ARHGEF28: variants seen among roughly 807,000 people sequenced by gnomAD.
The protein encoded by ARHGEF28 is Rho guanine nucleotide exchange factor 28, also known as 190 kDa guanine nucleotide exchange factor.
In ARHGEF28, 152 loss-of-function variants were observed where a neutral mutation model predicts 206.6. That is an observed-to-expected ratio of 0.74 (90% CI 0.64 to 0.84). The LOEUF (loss-of-function observed/expected upper bound fraction) is 0.84, where lower values mean the gene tolerates loss of function less well. Among genes scored for constraint, ARHGEF28 ranks in the 40% least tolerant of loss-of-function variants. The pLI is 0.00. For missense variants in ARHGEF28, 2,028 were observed against 2,073.2 expected, an observed-to-expected ratio of 0.98 and a Z score of 0.42; for synonymous variants, 763 against 776.4, an observed-to-expected ratio of 0.98 and a Z score of 0.29.
chr5:73,938,446 G>A lies in ARHGEF28; in HGVS notation c.4949-2398G>A, dbSNP rs191324025. Among the ~76,000 whole-genome samples, 477 of 152,056 alleles carry A rather than the reference G, an allele frequency of 3.1e-3. 8 individuals are homozygous for A. Among genetic ancestry groups the A allele is most frequent in the Non-Finnish European group, 9.0e-4 (61 of 67,976 alleles). ...TAGATTAAGGGCTTCCAGTGTGTCCGGCATTGTCAGATGTGTCAGCAATGA... is the reference window on the plus strand; with the variant it reads ...TAGATTAAGGGCTTCCAGTGTGTCCAGCATTGTCAGATGTGTCAGCAATGA... On this transcript the variant is annotated intron_variant, in intron 35 of 35. Coordinates refer to ENST00000513042, the MANE Select transcript of ARHGEF28 (RefSeq NM_001177693.2).
At chr5:73,900,950 A>G in intron 30 of ARHGEF28, 1 of 405,670 alleles carries the variant, frequency 2.5e-6, no homozygotes, top group Non-Finnish European at 4.6e-6. Context: ...AAAGATGGTG[A>G]TACTTTGTGC....
chr5:73,790,172 CT>C (rs555617997), intron 7 of ARHGEF28, among the ~76,000 whole-genome samples: 97 of 147,250 alleles, frequency 6.6e-4, no homozygotes, highest in Middle Eastern at 3.5e-3. Context: ...TGCCCTGCAA[CT>C]TTTTTTTTTT....
chr5:73,729,884 G>A (rs1206899923), intron 2 of ARHGEF28, among the ~76,000 whole-genome samples: 1 of 152,178 alleles, frequency 6.6e-6, no homozygotes, highest in East Asian at 1.9e-4. Context: ...TAAGAGCAAG[G>A]AGTAGATAGT....
chr5:73,714,999 C>T (rs1749492123), intron 2 of ARHGEF28, among the ~76,000 whole-genome samples: 2 of 152,146 alleles, frequency 1.3e-5, no homozygotes, highest in Admixed American at 1.3e-4. Flanking sequence ...ATATCTTTAT[C>T]AACAAATATA....
chr5:73,892,507 T>C (rs959617659), intron 27 of ARHGEF28, among the ~76,000 whole-genome samples: 2 of 152,210 alleles, frequency 1.3e-5, no homozygotes, highest in Non-Finnish European at 2.9e-5. Flanking sequence ...CCTGGTGATC[T>C]CTTTCTTGCC....
At chr5:73,761,581 A>G (rs941549827) in intron 4 of ARHGEF28, among the ~76,000 whole-genome samples, 4 of 152,136 alleles carry the variant, frequency 2.6e-5, no homozygotes, top group African/African-American at 9.7e-5. Context: ...GACTCTCTCA[A>G]ATATAAGCCT....
chr5:73,721,042 A>G (rs114910567), intron 2 of ARHGEF28, among the ~76,000 whole-genome samples: 280 of 152,332 alleles, frequency 1.8e-3, no homozygotes, highest in African/African-American at 6.6e-3. Context: ...GAATTTTGTT[A>G]TTTTAATTCT....
intron 9 of ARHGEF28, 143 bp downstream of exon 9, chr5:73,795,534 A>G (rs1167054694): frequency 1.4e-6 from 1 of 690,460 alleles, no homozygotes; most frequent in East Asian, 2.6e-5. Flanking sequence ...GATAAATTTT[A>G]TTTGTAGGAT....
intron 2 of ARHGEF28, among the ~76,000 whole-genome samples, chr5:73,744,086 A>G (rs751236290): frequency 1.3e-5 from 2 of 152,172 alleles, no homozygotes; most frequent in Admixed American, 6.5e-5. Flanking sequence ...AAGAAAACAC[A>G]CAAGAAAGCA....
rs1260295405 is a variant in ARHGEF28 at position 73,940,884 on chromosome 5, C to G, written c.4989C>G (p.Asp1663Glu). Reference protein sequence around the residue: ...TSHTESPTPHDSNSHRPQLQA... With the variant: ...TSHTESPTPHESNSHRPQLQA... ...ACACTGAGTCCCCAACCCCCCATGA[C>G]TCAAATTCACACCGCCCTCAACTGC... is the stretch of plus-strand genomic sequence containing the variant. Residue 1663 changes from aspartate (D) to glutamate (E), a missense_variant, in exon 36 of 36, where the codon GAC becomes GAG. Around this residue, in one of 3 missense-constraint regions of ARHGEF28, gnomAD observed 803 missense variants for 768.0 expected, o/e 1.05. Transcript: ENST00000513042. The G allele has an allele frequency of 6.5e-7, 1 of 1,532,176 alleles. No homozygotes were observed. Among genetic ancestry groups the G allele is most frequent in the South Asian group, 1.2e-5 (1 of 83,240 alleles). 94.9% of individuals were successfully genotyped at this position (1,532,176 alleles called of 1,614,324 possible).
intron 1 of ARHGEF28, among the ~76,000 whole-genome samples, chr5:73,634,856 A>G (rs1045595336): frequency 1.3e-5 from 2 of 152,250 alleles, no homozygotes; most frequent in East Asian, 1.9e-4. Flanking sequence ...TCTATGCTCT[A>G]TCACCAGCCC....
intron 2 of ARHGEF28, among the ~76,000 whole-genome samples, chr5:73,726,294 A>T (rs1374738993): frequency 6.6e-6 from 1 of 152,218 alleles, no homozygotes; most frequent in African/African-American, 2.4e-5. Context: ...GCCAGGTATG[A>T]CTAGCCAAAC....
chr5:73,836,914 T>A (rs1423729593), intron 10 of ARHGEF28, among the ~76,000 whole-genome samples: 1 of 151,996 alleles, frequency 6.6e-6, no homozygotes, highest in Non-Finnish European at 1.5e-5. Flanking sequence ...TATTGAAGGA[T>A]CTGTCTTTTC....
At chr5:73,733,008 A>G (rs1050164158) in intron 2 of ARHGEF28, among the ~76,000 whole-genome samples, 10 of 152,144 alleles carry the variant, frequency 6.6e-5, no homozygotes, top group Non-Finnish European at 1.3e-4. Context: ...TTTTATTTCA[A>G]TAGGTTTTGG....
chr5:73,661,373 C>T (rs1009098846), intron 1 of ARHGEF28, among the ~76,000 whole-genome samples: 1 of 152,162 alleles, frequency 6.6e-6, no homozygotes, highest in African/African-American at 2.4e-5. Flanking sequence ...CTTCTATCCA[C>T]ACCACTCAAA....
intron 2 of ARHGEF28, among the ~76,000 whole-genome samples, chr5:73,709,847 G>A (rs946801484): frequency 6.6e-6 from 1 of 152,130 alleles, no homozygotes; most frequent in Non-Finnish European, 1.5e-5. Flanking sequence ...TTTGTATATG[G>A]CTTCTTATAC....
intron 1 of ARHGEF28, among the ~76,000 whole-genome samples, chr5:73,672,387 T>C (rs1345619116): frequency 6.6e-6 from 1 of 152,246 alleles, no homozygotes; most frequent in Non-Finnish European, 1.5e-5. Flanking sequence ...TATCTGTTTA[T>C]GCTTGCCTGA....
intron 35 of ARHGEF28, among the ~76,000 whole-genome samples, chr5:73,932,818 T>C (rs1199618700): frequency 7.7e-6 from 1 of 130,446 alleles, no homozygotes; most frequent in Non-Finnish European, 1.6e-5. Context: ...TTTTTTTTTT[T>C]TTTTTTTTGA....
chr5:73,751,353 T>G (rs1343038631), intron 3 of ARHGEF28, among the ~76,000 whole-genome samples: 1 of 152,146 alleles, frequency 6.6e-6, no homozygotes, highest in Non-Finnish European at 1.5e-5. Flanking sequence ...GAGGTTGCAG[T>G]GAGCTGAGAT....
Sources: gnomAD v4.1 joint callset for allele counts (sites outside exome capture counted in the v4.1 genomes callset) on GRCh38, gnomAD v4.1.1 for gene constraint, gnomAD v4.1.1 regional missense constraint, MANE v1.5 for transcripts, NCBI Gene and HGNC (gene_info 2026-07-23, HGNC 2026-07-21) for gene names.